FILIP1: variants seen among roughly 807,000 people sequenced by gnomAD.
FILIP1 encodes the protein filamin A interacting protein 1.
FILIP1 carries 61 observed loss-of-function variants against 102.1 expected under a neutral mutation model. The observed-to-expected ratio is 0.60, with a 90% CI of 0.49 to 0.74. The LOEUF (loss-of-function observed/expected upper bound fraction) is 0.74, where lower values mean the gene tolerates loss of function less well. FILIP1 is among the 30% of genes least tolerant of loss of function. The pLI, the probability that FILIP1 is intolerant of heterozygous loss-of-function variation, is 0.00. For synonymous variants in FILIP1, 491 were observed against 526.9 expected (o/e 0.93, Z 0.93); for missense variants, 1,314 against 1,441.2 (o/e 0.91, Z 1.43).
chr6:75,335,781 A>T (rs1229399503), intron 4 of FILIP1, among the ~76,000 whole-genome samples: 1 of 152,212 alleles, frequency 6.6e-6, no homozygotes, highest in African/African-American at 2.4e-5. Context: ...TTTATACTAC[A>T]TAAGTATAAG....
intron 1 of FILIP1, among the ~76,000 whole-genome samples, chr6:75,450,742 G>T (rs1042683343): frequency 4.0e-5 from 6 of 151,442 alleles, no homozygotes; most frequent in Admixed American, 3.9e-4. Flanking sequence ...GATCACCTGA[G>T]GTTGGGAGTT....
At position 75,426,973 on chromosome 6, in the gene FILIP1, T is replaced by C. The variant is rs537530484; in HGVS notation, c.-6-11995A>G. Among the ~76,000 whole-genome samples, 4 of 152,258 alleles carry C rather than the reference T, an allele frequency of 2.6e-5. No homozygotes were observed. In the South Asian group the frequency reaches 8.3e-4, roughly 32 times the overall value. On this transcript the variant is annotated intron_variant, in intron 1 of 5. Coordinates refer to ENST00000237172, the MANE Select transcript of FILIP1 (RefSeq NM_015687.5). ...AGGGAAACCAGTCTAAACTAGATAC[T>C]GGATGTGTTTCCCCCATTACTTCCA...
At chr6:75,332,598 T>C (rs1477780925) in intron 4 of FILIP1, among the ~76,000 whole-genome samples, 2 of 152,186 alleles carry the variant, frequency 1.3e-5, no homozygotes, top group African/African-American at 4.8e-5. Flanking sequence ...GAAATGCATA[T>C]TGCCACAGGA....
At chr6:75,485,165 C>A (rs1377507179) in intron 1 of FILIP1, among the ~76,000 whole-genome samples, 4 of 152,106 alleles carry the variant, frequency 2.6e-5, no homozygotes, top group African/African-American at 9.7e-5. Flanking sequence ...GTAAAGAAAT[C>A]AAGAGATGTT....
At chr6:75,394,923 A>G (rs73459745) in intron 2 of FILIP1, among the ~76,000 whole-genome samples, 1,594 of 152,260 alleles carry the variant, frequency 0.01, 33 homozygotes, top group African/African-American at 0.037. Flanking sequence ...AAATACTCCT[A>G]CATGTGTGAT....
intron 2 of FILIP1, among the ~76,000 whole-genome samples, chr6:75,380,749 T>C (rs1775884854): frequency 1.3e-5 from 2 of 152,092 alleles, no homozygotes; most frequent in Admixed American, 1.3e-4. Context: ...TATACAAGGA[T>C]TAAAAATATA....
At chr6:75,457,945 T>A (rs2149745506) in intron 1 of FILIP1, among the ~76,000 whole-genome samples, 1 of 152,074 alleles carries the variant, frequency 6.6e-6, no homozygotes, top group East Asian at 1.9e-4. Flanking sequence ...TTCAATGGAG[T>A]GGAGGAGAGA....
chr6:75,383,331 T>C (rs749678602), intron 2 of FILIP1, among the ~76,000 whole-genome samples: 38 of 152,326 alleles, frequency 2.5e-4, no homozygotes, highest in South Asian at 4.1e-4. Flanking sequence ...ATATAAATAT[T>C]GTCCCCCTAA....
intron 1 of FILIP1, among the ~76,000 whole-genome samples, chr6:75,466,290 T>C (rs951721909): frequency 2.0e-5 from 3 of 152,238 alleles, no homozygotes; most frequent in Non-Finnish European, 4.4e-5. Context: ...ATTTACCCCA[T>C]GCTCCAGCAT....
At chr6:75,349,287 G>C (rs368439369) in intron 4 of FILIP1, among the ~76,000 whole-genome samples, 25 of 152,098 alleles carry the variant, frequency 1.6e-4, no homozygotes, top group African/African-American at 5.6e-4. Context: ...TTACAGAGCA[G>C]GACAAATGTG....
intron 4 of FILIP1, among the ~76,000 whole-genome samples, chr6:75,335,131 C>CA (rs1774200023): frequency 6.6e-6 from 1 of 152,110 alleles, no homozygotes; most frequent in East Asian, 1.9e-4. Flanking sequence ...ATAGGGATCC[C>CA]ACTAGAGCCT....
intron 4 of FILIP1, among the ~76,000 whole-genome samples, chr6:75,351,374 T>C (rs1774801470): frequency 6.6e-6 from 1 of 152,186 alleles, no homozygotes; most frequent in African/African-American, 2.4e-5. Flanking sequence ...CAGAATACTT[T>C]TATATTCATT....
chr6:75,455,881 A>T (rs558740759), intron 1 of FILIP1, among the ~76,000 whole-genome samples: 6 of 152,306 alleles, frequency 3.9e-5, no homozygotes, highest in South Asian at 4.1e-4. Flanking sequence ...CTATTTCTTA[A>T]AGTACTTCAC....
At chr6:75,292,635 ATTCATATT>A (rs2149528688) in exon 7 of FILIP1, 1 of 151,902 alleles carries the variant, frequency 6.6e-6, no homozygotes, top group East Asian at 1.9e-4. Context: ...TTGCTTTGTG[ATTCATATT>A]TTTAGCAGAG....
chr6:75,434,386 C>G (rs1777941167), intron 1 of FILIP1, among the ~76,000 whole-genome samples: 1 of 152,162 alleles, frequency 6.6e-6, no homozygotes, highest in South Asian at 2.1e-4. Context: ...TTGTAGTTCT[C>G]CTCGAAGAGG....
chr6:75,340,970 C>T (rs1381023255), intron 4 of FILIP1, among the ~76,000 whole-genome samples: 1 of 148,664 alleles, frequency 6.7e-6, no homozygotes, highest in Non-Finnish European at 1.5e-5. Context: ...TCCCAAAGTG[C>T]TGAGATTACA....
At chr6:75,341,395 T>A (rs1774416780) in intron 4 of FILIP1, among the ~76,000 whole-genome samples, 1 of 151,850 alleles carries the variant, frequency 6.6e-6, no homozygotes, top group South Asian at 2.1e-4. Context: ...TGGGATCAAG[T>A]GATCTGCCTG....
At chr6:75,423,782 C>T (rs1432218369) in intron 1 of FILIP1, among the ~76,000 whole-genome samples, 1 of 152,132 alleles carries the variant, frequency 6.6e-6, no homozygotes, top group East Asian at 1.9e-4. Context: ...AGCATCTTGA[C>T]AACTTTTTGC....
chr6:75,316,051 T>C (rs1413597350), intron 4 of FILIP1, among the ~76,000 whole-genome samples: 1 of 152,176 alleles, frequency 6.6e-6, no homozygotes, highest in Non-Finnish European at 1.5e-5. Flanking sequence ...AGCAAGAAAA[T>C]CTGTATATCA....
Sources: gnomAD v4.1 joint callset for allele counts (sites outside exome capture counted in the v4.1 genomes callset) on GRCh38, gnomAD v4.1.1 for gene constraint, MANE v1.5 for transcripts, NCBI Gene and HGNC (gene_info 2026-07-23, HGNC 2026-07-21) for gene names.